RUNX2: variants seen among roughly 807,000 people sequenced by gnomAD.
RUNX2 encodes the protein runt-related transcription factor 2.
Under a neutral mutation model 51.7 loss-of-function variants are expected in RUNX2, and 10 were observed. The ratio of observed to expected loss-of-function variants is 0.19; its 90% CI spans 0.12 to 0.33. RUNX2 has a LOEUF of 0.33. Among genes scored for constraint, RUNX2 ranks in the 10% least tolerant of loss-of-function variants. RUNX2 has a pLI of 1.00. For missense variants in RUNX2, 562 were observed against 691.3 expected, an observed-to-expected ratio of 0.81 and a Z score of 2.10; for synonymous variants, 276 against 273.6, an observed-to-expected ratio of 1.01 and a Z score of -0.09.
At chr6:45,450,349 A>T (rs571321637) in intron 5 of RUNX2, among the ~76,000 whole-genome samples, 110 of 152,196 alleles carry the variant, frequency 7.2e-4, no homozygotes, top group African/African-American at 2.5e-3. Context: ...TTTTTTGGTG[A>T]CAATTAGAGA....
chr6:45,540,407 C>G (rs1175887655), intron 7 of RUNX2, among the ~76,000 whole-genome samples: 1 of 152,052 alleles, frequency 6.6e-6, no homozygotes, highest in East Asian at 1.9e-4. Flanking sequence ...TCTATGTTTT[C>G]CTCTGCACCC....
At chr6:45,526,733 T>G (rs1801684907) in intron 7 of RUNX2, among the ~76,000 whole-genome samples, 1 of 152,218 alleles carries the variant, frequency 6.6e-6, no homozygotes, top group South Asian at 2.1e-4. Flanking sequence ...GGCATAATAA[T>G]TAAACAGTCT....
chr6:45,422,039 G>A (rs1157425413), intron 2 of RUNX2: 6 of 147,942 alleles, frequency 4.1e-5, no homozygotes, highest in Admixed American at 1.3e-4. Flanking sequence ...GGCCGCCGCG[G>A]AGGCGGCGGC....
intron 5 of RUNX2, among the ~76,000 whole-genome samples, chr6:45,450,838 G>A (rs1799148529): frequency 6.6e-6 from 1 of 152,112 alleles, no homozygotes; most frequent in African/African-American, 2.4e-5. Flanking sequence ...TTGGGAAGAG[G>A]TTGCAAAAAA....
intron 7 of RUNX2, among the ~76,000 whole-genome samples, chr6:45,544,469 G>C (rs1802328616): frequency 6.6e-6 from 1 of 152,090 alleles, no homozygotes; most frequent in South Asian, 2.1e-4. Flanking sequence ...CAAAATAAGT[G>C]AAACCATACG....
In RUNX2 at chr6:45,437,988, C is replaced by T. The variant is rs1798734962; in HGVS notation, c.622C>T (p.Pro208Ser). The T allele has an allele frequency of 6.2e-7, 1 of 1,613,572 alleles. No individual in the cohort carries two copies. Among genetic ancestry groups the T allele is most frequent in the Middle Eastern group, 1.7e-4 (1 of 6,058 alleles). ...GACCATAACCGTCTTCACAAATCCT[C>T]CCCAAGTAGCTACCTATCACAGAGC... ...TLTITVFTNP[P>S]QVATYHRAIK... Residue 208 changes from proline to serine, a missense_variant, in exon 5 of 9, where the codon CCC becomes TCC. Coordinates refer to ENST00000647337, the MANE Select transcript of RUNX2 (RefSeq NM_001024630.4).
chr6:45,506,794 C>CA (rs1800980762), intron 6 of RUNX2, among the ~76,000 whole-genome samples: 1 of 152,038 alleles, frequency 6.6e-6, no homozygotes, highest in Non-Finnish European at 1.5e-5. Flanking sequence ...GCATGTTTCA[C>CA]TGCACCCGGA....
intron 8 of RUNX2, 24 bp downstream of exon 8, chr6:45,545,306 G>T: frequency 6.5e-7 from 1 of 1,548,924 alleles, no homozygotes. Flanking sequence ...CAATTGCTGG[G>T]CTGGGCAGGG....
At chr6:45,473,445 T>C (rs558271308) in intron 5 of RUNX2, among the ~76,000 whole-genome samples, 1 of 152,362 alleles carries the variant, frequency 6.6e-6, no homozygotes, top group Admixed American at 6.5e-5. Context: ...CACATCTCTC[T>C]CCTTTTCTTT....
chr6:45,508,220 C>CTTTTTTTTTTT (rs61501897), intron 6 of RUNX2, among the ~76,000 whole-genome samples: 4 of 65,644 alleles, frequency 6.1e-5, no homozygotes, highest in East Asian at 6.4e-4. Flanking sequence ...CTTATATTTC[C>CTTTTTTTTTTT]TTTTTTTTTT....
intron 6 of RUNX2, among the ~76,000 whole-genome samples, chr6:45,510,852 T>C (rs2150420067): frequency 6.6e-6 from 1 of 152,134 alleles, no homozygotes; most frequent in Admixed American, 6.5e-5. Flanking sequence ...ATGATTCAGG[T>C]ATTATTGCTG....
chr6:45,540,823 G>C (rs1017246715), intron 7 of RUNX2, among the ~76,000 whole-genome samples: 3 of 151,806 alleles, frequency 2.0e-5, no homozygotes, highest in African/African-American at 7.3e-5. Context: ...TACTGGCTGG[G>C]AGGCAGGACA....
chr6:45,394,410 A>G (rs377559877), intron 2 of RUNX2, among the ~76,000 whole-genome samples: 26 of 152,292 alleles, frequency 1.7e-4, no homozygotes, highest in African/African-American at 6.0e-4. Flanking sequence ...TGTCCTCTAG[A>G]GTCCTCCTTT....
intron 4 of RUNX2, 149 bp from the exon 5 acceptor site, chr6:45,437,798 C>T: frequency 1.4e-6 from 1 of 692,470 alleles, no homozygotes; most frequent in Non-Finnish European, 2.6e-6. Context: ...CGGAGGGTTT[C>T]CAATTTAGAA....
chr6:45,470,592 C>T (rs958057011), intron 5 of RUNX2, among the ~76,000 whole-genome samples: 2 of 152,172 alleles, frequency 1.3e-5, no homozygotes, highest in Admixed American at 1.3e-4. Context: ...CCCTGATACT[C>T]AGAAAAAGCA....
chr6:45,344,535 G>A (rs912503327), intron 2 of RUNX2, among the ~76,000 whole-genome samples: 10 of 151,820 alleles, frequency 6.6e-5, no homozygotes, highest in Non-Finnish European at 1.3e-4. Flanking sequence ...GTCTAGAACA[G>A]TAACATTATC....
intron 2 of RUNX2, among the ~76,000 whole-genome samples, chr6:45,395,173 A>G (rs1309879203): frequency 2.0e-5 from 3 of 151,698 alleles, no homozygotes; most frequent in African/African-American, 4.8e-5. Flanking sequence ...TGTGACCTCC[A>G]CTCTCTGATG....
chr6:45,338,374 A>G (rs577867743), intron 2 of RUNX2, among the ~76,000 whole-genome samples: 1 of 152,212 alleles, frequency 6.6e-6, no homozygotes, highest in South Asian at 2.1e-4. Flanking sequence ...CAACTTCTCA[A>G]GAAATTCTAA....
At chr6:45,383,407 A>G (rs1797283099) in intron 2 of RUNX2, among the ~76,000 whole-genome samples, 1 of 152,170 alleles carries the variant, frequency 6.6e-6, no homozygotes. Flanking sequence ...ACCGCACTCC[A>G]GCCTGGACAA....
Sources: allele counts gnomAD v4.1 joint callset (sites outside exome capture counted in the v4.1 genomes callset), GRCh38; gene constraint gnomAD v4.1.1; transcripts MANE v1.5; gene names NCBI Gene and HGNC (gene_info 2026-07-23, HGNC 2026-07-21).